CNTNAP2: variants seen among roughly 807,000 people sequenced by gnomAD.
CNTNAP2 encodes contactin-associated protein-like 2.
Under a neutral mutation model 155.2 loss-of-function variants are expected in CNTNAP2, and 98 were observed. That is an observed-to-expected ratio of 0.63 (90% CI 0.54 to 0.75). The LOEUF (loss-of-function observed/expected upper bound fraction) is 0.75. Ranked by LOEUF, CNTNAP2 falls within the 30% of genes least tolerant of loss-of-function variation. The pLI is 0.00. For missense variants in CNTNAP2, 1,727 were observed against 1,688.1 expected (o/e 1.02, Z -0.40); for synonymous variants, 651 against 631.2 (o/e 1.03, Z -0.47).
chr7:147,921,003 G>T (rs1800268241), intron 14 of CNTNAP2, among the ~76,000 whole-genome samples: 1 of 151,694 alleles, frequency 6.6e-6, no homozygotes, highest in South Asian at 2.1e-4. Flanking sequence ...TAGAGATGGG[G>T]TTTCACCATG....
At position 146,232,776 on chromosome 7, in the gene CNTNAP2, AACAAT is replaced by A. The variant is rs778553060; in HGVS notation, c.97+115804_97+115808del. Among the ~76,000 whole-genome samples, 27 of 152,230 alleles carry A rather than the reference AACAAT, an allele frequency of 1.8e-4. No individual in the cohort carries two copies. In the East Asian group the frequency reaches 3.9e-3, roughly 22 times the overall value. ...CCTTAGGCACATAATAAGTGACAAA[AACAAT>A]GTCAAAGACATTGACATTTGACGTT... On this transcript the variant is annotated intron_variant, in intron 1 of 23. Transcript: ENST00000361727.
chr7:146,836,031 A>G (rs1327974787), intron 2 of CNTNAP2, among the ~76,000 whole-genome samples: 1 of 152,174 alleles, frequency 6.6e-6, no homozygotes, highest in African/African-American at 2.4e-5. Flanking sequence ...CTGAAGAGGA[A>G]TTACAGCTAA....
At chr7:147,194,434 T>C (rs894971037) in intron 8 of CNTNAP2, among the ~76,000 whole-genome samples, 1 of 152,188 alleles carries the variant, frequency 6.6e-6, no homozygotes, top group Non-Finnish European at 1.5e-5. Context: ...TCTATTCTTT[T>C]GGGTATATAC....
At chr7:147,165,643 A>T (rs974184758) in intron 8 of CNTNAP2, among the ~76,000 whole-genome samples, 2 of 152,180 alleles carry the variant, frequency 1.3e-5, no homozygotes, top group African/African-American at 4.8e-5. Flanking sequence ...TCCTTGATCC[A>T]TCTTGGATCG....
At chr7:147,320,892 T>C (rs1283036781) in intron 9 of CNTNAP2, among the ~76,000 whole-genome samples, 2 of 152,202 alleles carry the variant, frequency 1.3e-5, no homozygotes. Context: ...CTCCTGCTGA[T>C]ACAAATTAGT....
At chr7:147,152,830 A>G (rs1801852994) in intron 8 of CNTNAP2, among the ~76,000 whole-genome samples, 1 of 152,172 alleles carries the variant, frequency 6.6e-6, no homozygotes, top group South Asian at 2.1e-4. Flanking sequence ...TGTATTATTT[A>G]AAATGGGGAA....
chr7:146,122,235 C>T (rs1322916962), intron 1 of CNTNAP2, among the ~76,000 whole-genome samples: 2 of 152,174 alleles, frequency 1.3e-5, no homozygotes, highest in Admixed American at 6.5e-5. Flanking sequence ...TTCTGCTGAA[C>T]GATAGATAAA....
chr7:147,180,663 A>G (rs1479271101), intron 8 of CNTNAP2, among the ~76,000 whole-genome samples: 1 of 152,196 alleles, frequency 6.6e-6, no homozygotes, highest in African/African-American at 2.4e-5. Context: ...ATGCCATTGT[A>G]TATATTAATA....
chr7:146,549,443 A>T lies in CNTNAP2; in HGVS notation c.98-224828A>T, dbSNP rs188822116. ...TGTACTGTAAGGAAAATGCTTTTAT[A>T]TCTTAAAAGTTATTGAAAACCATGG... On this transcript the variant is annotated intron_variant, in intron 1 of 23. Transcript: ENST00000361727. 3.1e-3 allele frequency among the ~76,000 whole-genome samples: 479 copies of T among 152,182 alleles called. 1 individual carries two copies. Among genetic ancestry groups the T allele is most frequent in the African/African-American group, 0.011 (438 of 41,538 alleles).
intron 8 of CNTNAP2, among the ~76,000 whole-genome samples, chr7:147,238,855 C>T (rs1803875721): frequency 1.3e-5 from 2 of 152,166 alleles, no homozygotes; most frequent in South Asian, 4.1e-4. Context: ...TCATTCAGTC[C>T]ACTAAGTTGC....
At chr7:146,651,424 C>T (rs932852838) in intron 1 of CNTNAP2, among the ~76,000 whole-genome samples, 2 of 152,058 alleles carry the variant, frequency 1.3e-5, no homozygotes, top group Admixed American at 6.6e-5. Context: ...TGCTATTTCA[C>T]ATAACAAGAC....
At chr7:146,226,670 A>G (rs1003581954) in intron 1 of CNTNAP2, among the ~76,000 whole-genome samples, 1 of 151,812 alleles carries the variant, frequency 6.6e-6, no homozygotes, top group African/African-American at 2.4e-5. Flanking sequence ...TTTGCATCAG[A>G]AACAAAACAA....
chr7:147,656,931 CTG>C (rs1329288932), intron 13 of CNTNAP2, among the ~76,000 whole-genome samples: 1 of 152,156 alleles, frequency 6.6e-6, no homozygotes, highest in African/African-American at 2.4e-5. Context: ...GCCTATGTCT[CTG>C]TGTGGGAACA....
chr7:147,855,938 A>C (rs1186968110), intron 13 of CNTNAP2, among the ~76,000 whole-genome samples: 1 of 152,144 alleles, frequency 6.6e-6, no homozygotes, highest in African/African-American at 2.4e-5. Flanking sequence ...CACATGGACT[A>C]TGAAGGACCC....
At chr7:147,825,947 T>C (rs1302565135) in intron 13 of CNTNAP2, among the ~76,000 whole-genome samples, 1 of 152,170 alleles carries the variant, frequency 6.6e-6, no homozygotes, top group Non-Finnish European at 1.5e-5. Flanking sequence ...AAGGTGACCA[T>C]TCTCACTTCG....
chr7:147,262,189 G>T (rs1387453533), intron 8 of CNTNAP2, among the ~76,000 whole-genome samples: 1 of 152,206 alleles, frequency 6.6e-6, no homozygotes, highest in Non-Finnish European at 1.5e-5. Context: ...GGAACATACT[G>T]AAGGATTTTA....
chr7:146,133,640 A>G (rs1797751914), intron 1 of CNTNAP2, among the ~76,000 whole-genome samples: 2 of 152,096 alleles, frequency 1.3e-5, no homozygotes, highest in South Asian at 4.1e-4. Flanking sequence ...ATGGCTAGCC[A>G]GTTTTCCCAG....
At chr7:147,578,511 A>G (rs1415035246) in intron 12 of CNTNAP2, among the ~76,000 whole-genome samples, 1 of 152,142 alleles carries the variant, frequency 6.6e-6, no homozygotes, top group Non-Finnish European at 1.5e-5. Flanking sequence ...AGGAAACGAA[A>G]TAAGAATATA....
At chr7:148,062,832 GAAGTTA>G (rs1803182892) in intron 15 of CNTNAP2, among the ~76,000 whole-genome samples, 2 of 152,080 alleles carry the variant, frequency 1.3e-5, no homozygotes, top group Admixed American at 1.3e-4. Flanking sequence ...AATAAAACTT[GAAGTTA>G]TAGTAGGGAG....
Sources: allele counts gnomAD v4.1 joint callset (sites outside exome capture counted in the v4.1 genomes callset), GRCh38; gene constraint gnomAD v4.1.1; transcripts MANE v1.5; gene names NCBI Gene and HGNC (gene_info 2026-07-23, HGNC 2026-07-21).